Variants in C4orf50 observed in about 807,000 individuals in gnomAD.
C4orf50 encodes chromosome 4 open reading frame 50.
C4orf50 carries 80 observed loss-of-function variants against 77.2 expected under a neutral mutation model. That is an observed-to-expected ratio of 1.04 (90% confidence interval 0.87 to 1.25). The LOEUF is 1.25. Ranked by LOEUF, C4orf50 falls within the 50% of genes most tolerant of loss-of-function variation. C4orf50 has a pLI of 0.00. For missense variants in C4orf50, 1,257 were observed against 1,152.9 expected (o/e 1.09, Z -1.31); for synonymous variants, 532 against 465.3 (o/e 1.14, Z -1.84).
intron 32 of C4orf50, among the ~76,000 whole-genome samples, chr4:5,965,515 A>G (rs1018552975): frequency 3.9e-5 from 6 of 152,254 alleles, no homozygotes; most frequent in African/African-American, 1.4e-4. Context: ...AGAAATGTCC[A>G]ACAAAAAAAT....
rs1204489037 is a variant in C4orf50 at position 6,004,832 on chromosome 4, GAT to G, written c.963+3162_963+3163del. Among the ~76,000 whole-genome samples, 26 of 150,220 alleles carry G rather than the reference GAT, an allele frequency of 1.7e-4. No homozygotes were observed. In the East Asian group the frequency reaches 4.0e-3, roughly 23 times the overall value. ...TGTTGGTGATGATGGTGATAGTGAT[GAT>G]GTGATGGTGATGGTGATGGTGGTGA... On this transcript the variant is annotated intron_variant, in intron 25 of 33. Transcript: ENST00000531445.
rs1446167068 is a variant in C4orf50, at chr4:5,919,772, C to G, written c.*2475-21584G>C. Among the ~76,000 whole-genome samples the G allele has an allele frequency of 6.6e-6, 1 of 152,166 alleles. No homozygotes were observed. The highest frequency in any genetic ancestry group is 1.5e-5 in the Non-Finnish European group (1 of 68,032). ...CTGCCATGGCAGACAAGAAAATGCT[C>G]TCTTGCTGAGCTCCCACAAAGCCCA... On this transcript the variant is annotated intron_variant, in intron 7 of 7. Coordinates refer to the C4orf50 transcript ENST00000324058. This position sits in a 1 kb window ranked among gnomAD's most constrained non-coding sequence, Gnocchi z 6.5.
chr4:6,004,345 A>ACAG (rs1226766394), intron 25 of C4orf50, among the ~76,000 whole-genome samples: 1 of 109,284 alleles, frequency 9.2e-6, no homozygotes, highest in Admixed American at 9.7e-5. Flanking sequence ...GGTGATGGTG[A>ACAG]TGATGACGGT....
intron 28 of C4orf50, among the ~76,000 whole-genome samples, chr4:5,985,132 C>A (rs1720790270): frequency 6.6e-6 from 1 of 151,600 alleles, no homozygotes; most frequent in Admixed American, 6.6e-5. Context: ...AATTCAGAAT[C>A]CAATGGGAAG....
exon 28 of C4orf50, chr4:5,989,322 A>T (rs1473062748): frequency 1.5e-5 from 23 of 1,535,846 alleles, no homozygotes; most frequent in Non-Finnish European, 1.9e-5. Context: ...GCCCCTGTGG[A>T]GGGTTTGGGC....
intron 7 of C4orf50, among the ~76,000 whole-genome samples, chr4:5,939,863 C>T (rs994127580): frequency 1.3e-5 from 2 of 152,218 alleles, no homozygotes; most frequent in Non-Finnish European, 1.5e-5. Context: ...ACTGCTTCAG[C>T]AGTGATAAGA....
intron 31 of C4orf50, among the ~76,000 whole-genome samples, chr4:5,971,756 T>C (rs1719932968): frequency 6.6e-6 from 1 of 152,330 alleles, no homozygotes. Context: ...TAGTTCTCTT[T>C]CTCATAGGAT....
At position 5,937,532 on chromosome 4, in the gene C4orf50, T is replaced by A. The variant is rs796974665; in HGVS notation, c.*2474+19369A>T. On this transcript the variant is annotated intron_variant, in intron 7 of 7. Coordinates refer to the C4orf50 transcript ENST00000324058. ...AGTAAGCACACAGTAAGATGACGGA[T>A]AAATATACATATATTTGTCAGCTAT... is the stretch of plus-strand genomic sequence containing the variant. Among the ~76,000 whole-genome samples, 12 of 152,318 alleles carry A rather than the reference T, an allele frequency of 7.9e-5. 1 individual carries two copies. Among genetic ancestry groups the A allele is most frequent in the African/African-American group, 2.6e-4 (11 of 41,578 alleles).
downstream of C4orf50, among the ~76,000 whole-genome samples, chr4:5,954,693 A>T (rs979505272): frequency 2.0e-5 from 3 of 152,166 alleles, no homozygotes; most frequent in African/African-American, 7.2e-5. The surrounding 1 kb of genome is among the most constrained non-coding windows in gnomAD (Gnocchi z 4.7). Flanking sequence ...ATACTGGTCC[A>T]AGCAGCAGGG....
At chr4:5,996,214 G>A (rs1025032790) in intron 25 of C4orf50, among the ~76,000 whole-genome samples, 21 of 152,152 alleles carry the variant, frequency 1.4e-4, no homozygotes, top group African/African-American at 3.9e-4. Flanking sequence ...CCCATATGCT[G>A]TTCCTGACAC....
intron 28 of C4orf50, among the ~76,000 whole-genome samples, chr4:5,982,198 C>A (rs1426441541): frequency 6.6e-6 from 1 of 152,110 alleles, no homozygotes; most frequent in Non-Finnish European, 1.5e-5. Context: ...AAGTACATTG[C>A]CTCCTCTACC....
rs936655666 is a variant in C4orf50 at position 6,015,686 on chromosome 4, T to A, written c.287+2459A>T. Reference sequence around the variant, plus strand: ...ATCAGTCTTCCTGAGCTAGTCGAGCTGTCAGTGGAGCCAAGCCCTCTCCGA... The same window carrying A: ...ATCAGTCTTCCTGAGCTAGTCGAGCAGTCAGTGGAGCCAAGCCCTCTCCGA... On this transcript the variant is annotated intron_variant, in intron 23 of 33. Coordinates refer to ENST00000531445, the Ensembl canonical transcript of C4orf50. This position sits in a 1 kb window ranked among gnomAD's most constrained non-coding sequence, Gnocchi z 4.4. Among the ~76,000 whole-genome samples, 2 of 152,140 alleles carry A rather than the reference T, an allele frequency of 1.3e-5. No individual in the cohort carries two copies. Among genetic ancestry groups the A allele is most frequent in the African/African-American group, 4.8e-5 (2 of 41,438 alleles).
exon 28 of C4orf50, chr4:5,990,485 C>G (rs897247852): frequency 5.0e-6 from 2 of 399,616 alleles, no homozygotes; most frequent in Non-Finnish European, 8.8e-6. Flanking sequence ...AGGGAGGCAC[C>G]GCGGCCTCTT....
chr4:5,935,520 G>A (rs1230254328), intron 7 of C4orf50, among the ~76,000 whole-genome samples: 2 of 152,194 alleles, frequency 1.3e-5, no homozygotes, highest in Admixed American at 6.5e-5. Flanking sequence ...GGGTGTGGTG[G>A]CTCATGACTG....
intron 30 of C4orf50, among the ~76,000 whole-genome samples, chr4:5,975,619 T>C (rs13120440): frequency 0.24 from 36,700 of 151,664 alleles, 4,558 homozygotes; most frequent in Middle Eastern, 0.27. Context: ...TCAAGCAATC[T>C]TCCCCCCTCA....
intron 7 of C4orf50, among the ~76,000 whole-genome samples, chr4:5,910,614 C>A (rs1716761131): frequency 6.6e-6 from 1 of 152,140 alleles, no homozygotes; most frequent in South Asian, 2.1e-4. Context: ...ATAATCACCC[C>A]ACTCGATCAT....
At chr4:5,939,997 C>G (rs1373946426) in intron 7 of C4orf50, among the ~76,000 whole-genome samples, 1 of 152,250 alleles carries the variant, frequency 6.6e-6, no homozygotes, top group African/African-American at 2.4e-5. Context: ...GCTAATGCTG[C>G]CATTTTTGAA....
At chr4:5,959,252 G>T (rs1719134385) in exon 34 of C4orf50, 2 of 1,196,626 alleles carry the variant, frequency 1.7e-6, no homozygotes, top group Non-Finnish European at 2.4e-6. Flanking sequence ...AAAGCCGAAG[G>T]CAAAACCACT....
intron 28 of C4orf50, among the ~76,000 whole-genome samples, chr4:5,983,242 A>C (rs745852450): frequency 1.3e-5 from 2 of 152,212 alleles, no homozygotes; most frequent in African/African-American, 2.4e-5. Flanking sequence ...ACTGGGTCAC[A>C]TCATTCTGCT....
Sources: allele counts gnomAD v4.1 joint callset (sites outside exome capture counted in the v4.1 genomes callset), GRCh38; gene constraint gnomAD v4.1.1; non-coding constraint Gnocchi (gnomAD v3.1); transcripts MANE v1.5; gene names NCBI Gene and HGNC (gene_info 2026-07-23, HGNC 2026-07-21).